The following CSMD3 variants were observed in gnomAD, a reference collection of about 807,000 sequenced individuals.
The protein encoded by CSMD3 is CUB and Sushi multiple domains 3, also known as CUB and sushi domain-containing protein 3.
In CSMD3, 177 loss-of-function variants were observed where a neutral mutation model predicts 435.2. That is an observed-to-expected ratio of 0.41 (90% CI 0.36 to 0.46). The LOEUF is 0.46. Among genes scored for constraint, CSMD3 ranks in the 20% least tolerant of loss-of-function variants. The pLI, the probability that CSMD3 is intolerant of heterozygous loss-of-function variation, is 0.34. For synonymous variants in CSMD3, 1,656 were observed against 1,520.5 expected (o/e 1.09, Z -2.07); for missense variants, 4,265 against 4,504.6 (o/e 0.95, Z 1.52).
chr8:112,902,051 C>G (rs1179715452), intron 10 of CSMD3, among the ~76,000 whole-genome samples: 3 of 151,258 alleles, frequency 2.0e-5, no homozygotes, highest in African/African-American at 7.3e-5. Context: ...GTGAGAAGAT[C>G]ATCCAGTAGA....
chr8:113,096,258 T>C (rs771996409), intron 5 of CSMD3, among the ~76,000 whole-genome samples: 4 of 152,126 alleles, frequency 2.6e-5, no homozygotes, highest in Non-Finnish European at 4.4e-5. Flanking sequence ...AAATGTTTCA[T>C]CAATAGCCTT....
At chr8:113,331,788 A>G (rs953300350) in intron 1 of CSMD3, among the ~76,000 whole-genome samples, 9 of 151,762 alleles carry the variant, frequency 5.9e-5, no homozygotes, top group Admixed American at 2.6e-4. Flanking sequence ...CTTCAACCTG[A>G]TAAAGAACAG....
chr8:112,883,911 C>A (rs2081517969), intron 10 of CSMD3, among the ~76,000 whole-genome samples: 1 of 151,786 alleles, frequency 6.6e-6, no homozygotes, highest in African/African-American at 2.4e-5. Flanking sequence ...CAAGGTTGAG[C>A]ACGAGTTTCT....
intron 10 of CSMD3, among the ~76,000 whole-genome samples, chr8:112,879,092 C>T (rs1384212554): frequency 1.3e-5 from 2 of 152,036 alleles, no homozygotes; most frequent in East Asian, 3.9e-4. Flanking sequence ...GGTCTGACTG[C>T]CTGGGATCTG....
chr8:112,637,032 C>T (rs1412202099), intron 21 of CSMD3, 27 bp from the exon 22 acceptor site: 5 of 1,584,424 alleles, frequency 3.2e-6, no homozygotes, highest in Non-Finnish European at 4.3e-6. Flanking sequence ...AAAATTTCCC[C>T]GCGGGGGAGG....
At chr8:112,507,584 A>T (rs927156502) in intron 28 of CSMD3, among the ~76,000 whole-genome samples, 1 of 152,230 alleles carries the variant, frequency 6.6e-6, no homozygotes, top group Non-Finnish European at 1.5e-5. Flanking sequence ...ACACATAATC[A>T]GTACATCGGC....
chr8:112,930,372 G>T (rs1587698088), intron 9 of CSMD3, among the ~76,000 whole-genome samples: 1 of 151,970 alleles, frequency 6.6e-6, no homozygotes, highest in East Asian at 1.9e-4. Flanking sequence ...CTTAATAGTG[G>T]CAACACATTA....
chr8:113,436,596 A>C (rs1364190548), intron 1 of CSMD3, 81 bp downstream of exon 1: 1 of 1,290,410 alleles, frequency 7.7e-7, no homozygotes, highest in African/African-American at 1.5e-5. Flanking sequence ...TGCAAATTGC[A>C]AAGTAAGCTG....
At chr8:112,637,487 C>T (rs972487943) in intron 21 of CSMD3, among the ~76,000 whole-genome samples, 1 of 152,072 alleles carries the variant, frequency 6.6e-6, no homozygotes, top group Non-Finnish European at 1.5e-5. Context: ...CTGAAAAACA[C>T]ATGATTTGAG....
At chr8:112,688,323 C>T (rs566296065) in intron 14 of CSMD3, among the ~76,000 whole-genome samples, 1 of 152,166 alleles carries the variant, frequency 6.6e-6, no homozygotes, top group Admixed American at 6.6e-5. Flanking sequence ...TTTTATGTAA[C>T]TTCCCTTCAC....
At chr8:113,108,377 G>A (rs1415684518) in intron 4 of CSMD3, among the ~76,000 whole-genome samples, 1 of 150,078 alleles carries the variant, frequency 6.7e-6, no homozygotes, top group African/African-American at 2.5e-5. Flanking sequence ...GCAATGAATC[G>A]AGATTGCGCC....
intron 1 of CSMD3, among the ~76,000 whole-genome samples, chr8:113,403,900 A>C (rs999700839): frequency 9.9e-5 from 15 of 151,478 alleles, no homozygotes; most frequent in Non-Finnish European, 2.1e-4. Context: ...GTATTTTATG[A>C]GTCACTCAAA....
intron 7 of CSMD3, among the ~76,000 whole-genome samples, chr8:112,955,131 A>C (rs2083967874): frequency 6.6e-6 from 1 of 151,750 alleles, no homozygotes. Flanking sequence ...CTGGAGTATT[A>C]GAATAGTGGG....
chr8:112,909,390 TG>T (rs766157999), intron 10 of CSMD3, among the ~76,000 whole-genome samples: 6 of 151,592 alleles, frequency 4.0e-5, no homozygotes, highest in Non-Finnish European at 8.8e-5. Context: ...GTAACAGAAG[TG>T]TAAAATTTTA....
chr8:113,427,101 A>C (rs2094640064), intron 1 of CSMD3, among the ~76,000 whole-genome samples: 1 of 151,516 alleles, frequency 6.6e-6, no homozygotes, highest in South Asian at 2.1e-4. Flanking sequence ...TAAAGCTTTA[A>C]TAATGCATGT....
At chr8:113,256,562 C>G (rs1483308338) in intron 3 of CSMD3, among the ~76,000 whole-genome samples, 4 of 152,128 alleles carry the variant, frequency 2.6e-5, no homozygotes, top group Non-Finnish European at 5.9e-5. Flanking sequence ...TTACAATTGT[C>G]AAGAATGTAT....
At chr8:113,057,422 A>T (rs974810048) in intron 5 of CSMD3, among the ~76,000 whole-genome samples, 10 of 152,128 alleles carry the variant, frequency 6.6e-5, no homozygotes, top group Non-Finnish European at 1.0e-4. Context: ...AGAAAATTTA[A>T]CTCTTCTTTT....
intron 3 of CSMD3, among the ~76,000 whole-genome samples, chr8:113,243,450 G>A (rs1335477299): frequency 6.6e-6 from 1 of 151,874 alleles, no homozygotes; most frequent in African/African-American, 2.4e-5. Context: ...TGTTCTTTTT[G>A]ATTGCTAAAT....
intron 13 of CSMD3, among the ~76,000 whole-genome samples, chr8:112,694,795 A>G (rs2076216452): frequency 6.6e-6 from 1 of 152,132 alleles, no homozygotes; most frequent in African/African-American, 2.4e-5. Context: ...CATTTATAAA[A>G]CCTTTACTTA....
Sources: gnomAD v4.1 joint callset for allele counts (sites outside exome capture counted in the v4.1 genomes callset) on GRCh38, gnomAD v4.1.1 for gene constraint, MANE v1.5 for transcripts, NCBI Gene and HGNC (gene_info 2026-07-23, HGNC 2026-07-21) for gene names.